Variants in STK3 observed in about 807,000 individuals in gnomAD.
STK3 encodes serine/threonine kinase 3.
Under a neutral mutation model 58.0 loss-of-function variants are expected in STK3, and 41 were observed. That is an observed-to-expected ratio of 0.71 (90% CI 0.55 to 0.92). The LOEUF (loss-of-function observed/expected upper bound fraction) is 0.92, where lower values mean the gene tolerates loss of function less well. Ranked by LOEUF, STK3 falls within the 40% of genes least tolerant of loss-of-function variation. The probability of loss-of-function intolerance (pLI) is 0.00; values close to 1 mark genes in which losing one functional copy is unlikely to be tolerated. For synonymous variants in STK3, 170 were observed against 191.0 expected (o/e 0.89, Z 0.91); for missense variants, 479 against 602.7 (o/e 0.79, Z 2.15).
In STK3 at chr8:98,541,824, G is replaced by T. The variant is rs969898614; in HGVS notation, c.1141+6145C>A. Among the ~76,000 whole-genome samples, 39 of 152,238 alleles carry T rather than the reference G, an allele frequency of 2.6e-4. 1 individual carries two copies. The East Asian group carries it at 5.8e-3, about 23-fold the overall frequency. On this transcript the variant is annotated intron_variant, in intron 9 of 10. Coordinates refer to ENST00000419617, the MANE Select transcript of STK3 (RefSeq NM_006281.4). Reference sequence around the variant, plus strand: ...GAAGTTTAGCAATGCTGTCAAAAAAGGAAATTATATTATTCTGATACGATT... The same window carrying T: ...GAAGTTTAGCAATGCTGTCAAAAAATGAAATTATATTATTCTGATACGATT...
chr8:98,767,212 G>C, intron 3 of STK3, 31 bp downstream of exon 3: 1 of 1,553,700 alleles, frequency 6.4e-7, no homozygotes, highest in Non-Finnish European at 8.7e-7. Context: ...GTCAAAACAA[G>C]GGTAAGCAAA....
chr8:98,652,746 T>C (rs368800882), intron 6 of STK3, among the ~76,000 whole-genome samples: 1 of 149,542 alleles, frequency 6.7e-6, no homozygotes, highest in East Asian at 1.9e-4. Flanking sequence ...GGCCATTACA[T>C]AATGGTAAAG....
At chr8:98,791,000 C>G (rs1035094025) in intron 1 of STK3, among the ~76,000 whole-genome samples, 3 of 150,022 alleles carry the variant, frequency 2.0e-5, no homozygotes, top group Non-Finnish European at 3.0e-5. Context: ...AAAAAAAAGG[C>G]ATTCAAATCG....
chr8:98,817,044 TA>T (rs1243972301), intron 1 of STK3, among the ~76,000 whole-genome samples: 2 of 152,214 alleles, frequency 1.3e-5, no homozygotes, highest in Non-Finnish European at 2.9e-5. Flanking sequence ...TATTTTGCAA[TA>T]AAAAGATTTT....
chr8:98,514,823 T>C (rs564963162), intron 10 of STK3, among the ~76,000 whole-genome samples: 2 of 152,234 alleles, frequency 1.3e-5, no homozygotes, highest in Non-Finnish European at 2.9e-5. Context: ...TCTAATAGAT[T>C]TATATGTCCT....
chr8:98,712,922 A>AT (rs1826627659), intron 4 of STK3, among the ~76,000 whole-genome samples: 1 of 151,406 alleles, frequency 6.6e-6, no homozygotes, highest in Admixed American at 6.6e-5. Context: ...AACAGAAATT[A>AT]TAACAAACTG....
At chr8:98,400,331 A>T (rs1336326069), downstream of STK3, among the ~76,000 whole-genome samples, 2 of 152,230 alleles carry the variant, frequency 1.3e-5, no homozygotes, top group African/African-American at 2.4e-5. Context: ...ACAGATTCCC[A>T]GGCCCCAAGG....
intron 4 of STK3, among the ~76,000 whole-genome samples, chr8:98,730,537 T>A (rs940730233): frequency 2.6e-5 from 4 of 151,820 alleles, no homozygotes; most frequent in Non-Finnish European, 5.9e-5. Context: ...GGCCACATGG[T>A]GAAACCCCAT....
intron 10 of STK3, among the ~76,000 whole-genome samples, chr8:98,514,560 G>A (rs1159930164): frequency 6.7e-6 from 1 of 148,784 alleles, no homozygotes; most frequent in Non-Finnish European, 1.5e-5. Context: ...AAAAAACAGT[G>A]AAATCCTACT....
downstream of STK3, among the ~76,000 whole-genome samples, chr8:98,451,579 G>C (rs191602891): frequency 1.3e-5 from 2 of 152,324 alleles, no homozygotes; most frequent in East Asian, 3.9e-4. Context: ...ATGTGGTCCA[G>C]TGTGAGAAGA....
intron 6 of STK3, among the ~76,000 whole-genome samples, chr8:98,608,952 A>G (rs757028757): frequency 6.6e-6 from 1 of 152,228 alleles, no homozygotes; most frequent in Non-Finnish European, 1.5e-5. Flanking sequence ...TTTGATTTGT[A>G]TATCAGTGAA....
At chr8:98,463,482 G>A (rs1241835410) in intron 10 of STK3, among the ~76,000 whole-genome samples, 2 of 152,018 alleles carry the variant, frequency 1.3e-5, no homozygotes, top group Non-Finnish European at 2.9e-5. Context: ...AGAAGTTAGG[G>A]TGGAAAATAA....
At chr8:98,384,883 A>G (rs1262768629) in intron 1 of STK3, among the ~76,000 whole-genome samples, 11 of 151,906 alleles carry the variant, frequency 7.2e-5, no homozygotes. Flanking sequence ...ACCTCTCATC[A>G]CGTCATACCT....
chr8:98,773,160 T>C (rs183623528), intron 2 of STK3, among the ~76,000 whole-genome samples: 100 of 152,246 alleles, frequency 6.6e-4, no homozygotes, highest in African/African-American at 2.3e-3. Flanking sequence ...TCATAATGTT[T>C]AATCCCTCTA....
At chr8:98,630,296 C>A (rs1303320885) in intron 6 of STK3, among the ~76,000 whole-genome samples, 1 of 152,078 alleles carries the variant, frequency 6.6e-6, no homozygotes, top group African/African-American at 2.4e-5. Context: ...AGTTCAGGAC[C>A]AAGCACCAAA....
At chr8:98,460,961 T>C (rs539065450) in intron 10 of STK3, among the ~76,000 whole-genome samples, 1 of 152,342 alleles carries the variant, frequency 6.6e-6, no homozygotes, top group African/African-American at 2.4e-5. Flanking sequence ...AGAATGTATA[T>C]TCTGCAATTC....
chr8:98,829,921 G>A (rs553114023), upstream of STK3, among the ~76,000 whole-genome samples: 4 of 152,252 alleles, frequency 2.6e-5, no homozygotes, highest in Admixed American at 1.3e-4. Context: ...AATGGAAAAA[G>A]GGAATATAAA....
At chr8:98,485,089 A>T (rs1255090978) in intron 10 of STK3, among the ~76,000 whole-genome samples, 1 of 152,134 alleles carries the variant, frequency 6.6e-6, no homozygotes, top group Non-Finnish European at 1.5e-5. Context: ...AAAATACAAA[A>T]AATTAGCCAG....
intron 4 of STK3, among the ~76,000 whole-genome samples, chr8:98,739,885 C>A (rs547040717): frequency 6.6e-6 from 1 of 151,256 alleles, no homozygotes; most frequent in Non-Finnish European, 1.5e-5. Context: ...ATAACCAATA[C>A]AGAGAAGTGC....
Sources: gnomAD v4.1 joint callset for allele counts (sites outside exome capture counted in the v4.1 genomes callset) on GRCh38, gnomAD v4.1.1 for gene constraint, MANE v1.5 for transcripts, NCBI Gene and HGNC (gene_info 2026-07-23, HGNC 2026-07-21) for gene names.